STAC: variants seen among roughly 807,000 people sequenced by gnomAD.
STAC encodes SH3 and cysteine-rich domain-containing protein.
Under a neutral mutation model 48.8 loss-of-function variants are expected in STAC, and 43 were observed. That is an observed-to-expected ratio of 0.88 (90% CI 0.69 to 1.14). The LOEUF (loss-of-function observed/expected upper bound fraction) is 1.14, where lower values mean the gene tolerates loss of function less well. STAC is among the 50% of genes most tolerant of loss of function. The probability of loss-of-function intolerance (pLI) is 0.00; values close to 1 mark genes in which losing one functional copy is unlikely to be tolerated. For missense variants in STAC, 497 were observed against 504.0 expected (o/e 0.99, Z 0.13); for synonymous variants, 193 against 179.5 (o/e 1.07, Z -0.60).
At chr3:36,449,658 T>G (rs1410847627) in intron 2 of STAC, among the ~76,000 whole-genome samples, 1 of 152,158 alleles carries the variant, frequency 6.6e-6, no homozygotes, top group Admixed American at 6.5e-5. Context: ...TCATTGAAAA[T>G]TACTTAAATG....
At chr3:36,455,513 G>A (rs894523094) in intron 2 of STAC, among the ~76,000 whole-genome samples, 2 of 152,192 alleles carry the variant, frequency 1.3e-5, no homozygotes, top group Non-Finnish European at 2.9e-5. Context: ...TGTGTGTAAA[G>A]GCTAGGAATC....
chr3:36,505,016 A>G (rs1435929898), intron 7 of STAC, among the ~76,000 whole-genome samples: 1 of 152,142 alleles, frequency 6.6e-6, no homozygotes, highest in East Asian at 1.9e-4. Context: ...TTATTTGGTT[A>G]GTAATAATAG....
At chr3:36,504,553 T>A (rs1194417262) in intron 7 of STAC, 96 bp downstream of exon 7, 2 of 958,306 alleles carry the variant, frequency 2.1e-6, no homozygotes, top group African/African-American at 3.3e-5. Context: ...ATTTAGTGAG[T>A]CCAGACCAGC....
intron 10 of STAC, chr3:36,529,259 C>T (rs1559527017): frequency 9.5e-6 from 2 of 211,516 alleles, no homozygotes; most frequent in South Asian, 2.6e-4. Context: ...AGAAGACCAC[C>T]GGTCTCTGAT....
intron 1 of STAC, among the ~76,000 whole-genome samples, chr3:36,393,604 GT>G (rs1357246379): frequency 6.6e-6 from 1 of 151,016 alleles, no homozygotes; most frequent in Non-Finnish European, 1.5e-5. Flanking sequence ...AGATAATTAG[GT>G]TATGAGGGTG....
chr3:36,390,813 TA>T (rs1261465664), intron 1 of STAC, among the ~76,000 whole-genome samples: 9 of 152,276 alleles, frequency 5.9e-5, no homozygotes, highest in South Asian at 4.1e-4. Flanking sequence ...TTTGAATGTT[TA>T]AAAAAATGCC....
chr3:36,438,912 C>T (rs889806311), intron 1 of STAC, among the ~76,000 whole-genome samples: 1 of 152,330 alleles, frequency 6.6e-6, no homozygotes. Flanking sequence ...CTTTGATAAA[C>T]AGGGCATGCA....
At chr3:36,448,907 C>CG (rs1014537832) in intron 2 of STAC, among the ~76,000 whole-genome samples, 11 of 146,318 alleles carry the variant, frequency 7.5e-5, no homozygotes, top group African/African-American at 2.6e-4. Flanking sequence ...GTGAACCCCC[C>CG]CCCCCACTCC....
chr3:36,414,355 T>C (rs1700267001), intron 1 of STAC, among the ~76,000 whole-genome samples: 1 of 152,202 alleles, frequency 6.6e-6, no homozygotes, highest in Non-Finnish European at 1.5e-5. Context: ...CCCATATTTC[T>C]CGGAGGATTT....
At chr3:36,468,022 C>T (rs1358752647) in intron 2 of STAC, among the ~76,000 whole-genome samples, 2 of 152,122 alleles carry the variant, frequency 1.3e-5, no homozygotes, top group South Asian at 4.2e-4. Context: ...TTTGCTGTAT[C>T]CCAGAGGTTT....
At chr3:36,504,340 G>C in intron 6 of STAC, 53 bp from the exon 7 acceptor site, 1 of 1,491,962 alleles carries the variant, frequency 6.7e-7, no homozygotes, top group South Asian at 1.1e-5. Context: ...AGGAATATTT[G>C]TTTAAATGGT....
intron 2 of STAC, among the ~76,000 whole-genome samples, chr3:36,445,947 C>G (rs186844331): frequency 6.6e-6 from 1 of 152,192 alleles, no homozygotes; most frequent in Admixed American, 6.5e-5. Flanking sequence ...CTCACATTTG[C>G]GCCTTCCCAA....
At chr3:36,424,471 A>G (rs1032463079) in intron 1 of STAC, among the ~76,000 whole-genome samples, 2 of 152,168 alleles carry the variant, frequency 1.3e-5, no homozygotes, top group Non-Finnish European at 2.9e-5. Flanking sequence ...GTAGTCATTT[A>G]TATATTCCCT....
intron 8 of STAC, among the ~76,000 whole-genome samples, chr3:36,522,328 T>G (rs191294700): frequency 6.6e-6 from 1 of 152,168 alleles, no homozygotes; most frequent in African/African-American, 2.4e-5. Context: ...TCCTTTGAAA[T>G]TACTGACATC....
At chr3:36,520,547 T>C (rs1027915136) in intron 8 of STAC, among the ~76,000 whole-genome samples, 2 of 152,220 alleles carry the variant, frequency 1.3e-5, no homozygotes. Flanking sequence ...AAGGCTCCCT[T>C]GGTGTCTCGT....
chr3:36,488,852 G>T (rs751270807), intron 5 of STAC, among the ~76,000 whole-genome samples: 1 of 151,960 alleles, frequency 6.6e-6, no homozygotes, highest in Non-Finnish European at 1.5e-5. Flanking sequence ...AAGGCTTTGC[G>T]CCACTTCCCT....
At chr3:36,439,087 T>G (rs1439694748) in intron 1 of STAC, among the ~76,000 whole-genome samples, 1 of 152,112 alleles carries the variant, frequency 6.6e-6, no homozygotes, top group Non-Finnish European at 1.5e-5. Context: ...ATCCATCCCC[T>G]AAAGACCCAC....
chr3:36,492,851 G>A (rs1698027309), intron 5 of STAC, among the ~76,000 whole-genome samples: 1 of 152,162 alleles, frequency 6.6e-6, no homozygotes, highest in Non-Finnish European at 1.5e-5. Context: ...ATTTCTCTTT[G>A]TTGCCTATTC....
chr3:36,466,832 C>G (rs141063436), intron 2 of STAC, among the ~76,000 whole-genome samples: 4,736 of 151,766 alleles, frequency 0.031, 222 homozygotes, highest in African/African-American at 0.11. Flanking sequence ...TTTGGATGCC[C>G]TTTATTTCTT....
Sources: gnomAD v4.1 joint callset for allele counts (sites outside exome capture counted in the v4.1 genomes callset) on GRCh38, gnomAD v4.1.1 for gene constraint, MANE v1.5 for transcripts, NCBI Gene and HGNC (gene_info 2026-07-23, HGNC 2026-07-21) for gene names.